Variants in PTPN13 observed in about 807,000 individuals in gnomAD.
PTPN13 encodes the protein tyrosine-protein phosphatase non-receptor type 13.
In PTPN13, 191 loss-of-function variants were observed where a neutral mutation model predicts 284.0. The ratio of observed to expected loss-of-function variants is 0.67; its 90% CI spans 0.60 to 0.76. The LOEUF is 0.76. PTPN13 is among the 30% of genes least tolerant of loss of function. The pLI, the probability that PTPN13 is intolerant of heterozygous loss-of-function variation, is 0.00. For missense variants in PTPN13, 2,797 were observed against 2,939.9 expected, an observed-to-expected ratio of 0.95 and a Z score of 1.12; for synonymous variants, 986 against 1,022.3, an observed-to-expected ratio of 0.96 and a Z score of 0.68.
chr4:86,595,289 G>A (rs933604958), intron 1 of PTPN13, among the ~76,000 whole-genome samples: 2 of 151,958 alleles, frequency 1.3e-5, no homozygotes, highest in African/African-American at 4.8e-5. Flanking sequence ...GGAAGCAGAG[G>A]AAGAGGGGGC....
intron 5 of PTPN13, chr4:86,689,563 G>A (rs1578419976): frequency 1.5e-6 from 1 of 664,792 alleles, no homozygotes; most frequent in East Asian, 2.7e-5. Context: ...ATATTTAAAT[G>A]TACTTTCTGT....
intron 25 of PTPN13, 88 bp downstream of exon 25, chr4:86,764,812 C>A: frequency 7.0e-7 from 1 of 1,421,682 alleles, no homozygotes; most frequent in Non-Finnish European, 9.4e-7. Context: ...AATTATTTTG[C>A]ATCAAAAGGG....
chr4:86,654,849 T>C lies in PTPN13; in HGVS notation c.116-17516T>C, dbSNP rs538479302. ...TAATGTTGACAGTGGGGTGTTAAAG[T>C]CTCCCATTATTATTGTGTGGGAGTC... On this transcript the variant is annotated intron_variant, in intron 2 of 47. Coordinates refer to ENST00000411767, the MANE Select transcript of PTPN13 (RefSeq NM_080683.3). Among the ~76,000 whole-genome samples the C allele has an allele frequency of 2.8e-3, 420 of 152,280 alleles. 4 individuals are homozygous for C. The highest frequency in any genetic ancestry group is 9.6e-3 in the African/African-American group (400 of 41,548).
intron 2 of PTPN13, among the ~76,000 whole-genome samples, chr4:86,657,366 C>T (rs1262859020): frequency 9.2e-5 from 14 of 152,158 alleles, no homozygotes; most frequent in Admixed American, 9.2e-4. Context: ...TTGGAACTGC[C>T]CTCACTGCAA....
At chr4:86,787,643 AG>A (rs1318801068) in intron 40 of PTPN13, among the ~76,000 whole-genome samples, 3 of 151,966 alleles carry the variant, frequency 2.0e-5, no homozygotes, top group Non-Finnish European at 2.9e-5. Flanking sequence ...TATTCATCTG[AG>A]GTAGCTATTG....
At chr4:86,670,813 A>G (rs1031879365) in intron 2 of PTPN13, among the ~76,000 whole-genome samples, 1 of 152,182 alleles carries the variant, frequency 6.6e-6, no homozygotes, top group Non-Finnish European at 1.5e-5. Flanking sequence ...TTGTCTGTGT[A>G]TGAAATAACT....
chr4:86,702,276 A>G (rs1024668039), intron 7 of PTPN13, among the ~76,000 whole-genome samples: 1 of 152,208 alleles, frequency 6.6e-6, no homozygotes, highest in African/African-American at 2.4e-5. Context: ...GCTTCAAATT[A>G]CAAATTTTGG....
chr4:86,686,111 C>T (rs543770753), intron 3 of PTPN13, among the ~76,000 whole-genome samples: 17 of 152,116 alleles, frequency 1.1e-4, no homozygotes, highest in African/African-American at 4.1e-4. Flanking sequence ...CCTATAATCC[C>T]AGCACTTTGG....
intron 2 of PTPN13, among the ~76,000 whole-genome samples, chr4:86,646,317 AG>A (rs1724418377): frequency 6.7e-6 from 1 of 148,408 alleles, no homozygotes; most frequent in Admixed American, 6.7e-5. Flanking sequence ...TTTTTTTTAA[AG>A]ACAGAATCTC....
At chr4:86,739,316 A>G (rs1421319892) in intron 15 of PTPN13, among the ~76,000 whole-genome samples, 1 of 152,198 alleles carries the variant, frequency 6.6e-6, no homozygotes, top group Non-Finnish European at 1.5e-5. Context: ...ATAAAGACAT[A>G]TACCCGAGAC....
chr4:86,705,668 G>A (rs940845868), intron 7 of PTPN13, among the ~76,000 whole-genome samples: 1 of 152,090 alleles, frequency 6.6e-6, no homozygotes, highest in South Asian at 2.1e-4. Flanking sequence ...AGGTCTTAGA[G>A]CACATGTTAT....
At chr4:86,751,719 T>C (rs924848003) in intron 19 of PTPN13, among the ~76,000 whole-genome samples, 2 of 152,160 alleles carry the variant, frequency 1.3e-5, no homozygotes, top group Non-Finnish European at 2.9e-5. Flanking sequence ...TTCAAGCCGA[T>C]GTGAATGAAC....
intron 43 of PTPN13, among the ~76,000 whole-genome samples, chr4:86,804,472 T>G (rs907865221): frequency 6.6e-6 from 1 of 152,214 alleles, no homozygotes; most frequent in Non-Finnish European, 1.5e-5. Flanking sequence ...CTCAAAATAT[T>G]AATTCTGTTA....
At position 86,809,827 on chromosome 4, in the gene PTPN13, C is replaced by A. The variant is rs61730641; in HGVS notation, c.7142C>A (p.Thr2381Lys). The change falls in exon 46 of 48, where the codon ACA becomes AAA. Residue 2381 changes from threonine (T) to lysine (K), a missense_variant. By Grantham distance (78) the Thr-to-Lys change is moderately conservative. Transcript: ENST00000411767. The part of the protein sequence containing the change: ...LNFTAWPDHD[T>K]PSQPDDLLTF... The stretch of plus-strand genomic sequence containing the variant: ...TTCACTGCCTGGCCAGACCATGATA[C>A]ACCTTCTCAACCAGATGATCTGCTT... The A allele has an allele frequency of 5.6e-5, 91 of 1,614,044 alleles. No individual in the cohort carries two copies. In the South Asian group the frequency reaches 9.7e-4, roughly 17 times the overall value.
chr4:86,597,697 C>A (rs899074104), intron 1 of PTPN13, among the ~76,000 whole-genome samples: 1 of 152,212 alleles, frequency 6.6e-6, no homozygotes, highest in African/African-American at 2.4e-5. Context: ...CCTGCCCAAC[C>A]CTGTTCCCAA....
chr4:86,753,501 C>A (rs543255455), intron 20 of PTPN13, among the ~76,000 whole-genome samples: 15 of 152,082 alleles, frequency 9.9e-5, no homozygotes, highest in African/African-American at 2.6e-4. Flanking sequence ...CTGCAGGAGT[C>A]TCAGTATGGT....
At chr4:86,774,865 A>C (rs1740443368) in intron 33 of PTPN13, among the ~76,000 whole-genome samples, 3 of 152,076 alleles carry the variant, frequency 2.0e-5, no homozygotes, top group Admixed American at 2.0e-4. Context: ...AGTAAGGCAT[A>C]AAACAAGCTA....
chr4:86,687,072 G>A (rs904701434), intron 4 of PTPN13, among the ~76,000 whole-genome samples: 1 of 152,196 alleles, frequency 6.6e-6, no homozygotes, highest in Non-Finnish European at 1.5e-5. Context: ...ATAAATGAGC[G>A]TGTACTTTAT....
chr4:86,599,592 A>C (rs539066629), intron 1 of PTPN13, among the ~76,000 whole-genome samples: 1 of 152,176 alleles, frequency 6.6e-6, no homozygotes, highest in East Asian at 1.9e-4. Flanking sequence ...TTTCCTCATC[A>C]CAGAAAGTCC....
Sources: gnomAD v4.1 joint callset for allele counts (sites outside exome capture counted in the v4.1 genomes callset) on GRCh38, gnomAD v4.1.1 for gene constraint, MANE v1.5 for transcripts, NCBI Gene and HGNC (gene_info 2026-07-23, HGNC 2026-07-21) for gene names.